TLN2: variants seen among roughly 807,000 people sequenced by gnomAD.
TLN2 encodes talin 2, also known as talin-2.
Under a neutral mutation model 294.7 loss-of-function variants are expected in TLN2, and 118 were observed. The ratio of observed to expected loss-of-function variants is 0.40; its 90% CI spans 0.34 to 0.47. The LOEUF (loss-of-function observed/expected upper bound fraction) is 0.47. TLN2 is among the 20% of genes least tolerant of loss of function. TLN2 has a pLI of 0.84. For synonymous variants in TLN2, 1,431 were observed against 1,304.5 expected, an observed-to-expected ratio of 1.10 and a Z score of -2.09; for missense variants, 3,083 against 3,282.2, an observed-to-expected ratio of 0.94 and a Z score of 1.48.
intron 1 of TLN2, among the ~76,000 whole-genome samples, chr15:62,536,149 A>T (rs1000803063): frequency 1.3e-5 from 2 of 152,184 alleles, no homozygotes; most frequent in African/African-American, 4.8e-5. Flanking sequence ...TGTAGTTTGG[A>T]GACCCTCATA....
chr15:62,788,800 G>A (rs2064878913), intron 45 of TLN2, among the ~76,000 whole-genome samples: 1 of 152,228 alleles, frequency 6.6e-6, no homozygotes, highest in South Asian at 2.1e-4. Context: ...TTTTCCAGCA[G>A]TACACATTCA....
intron 41 of TLN2, among the ~76,000 whole-genome samples, chr15:62,768,767 CA>C (rs2063173792): frequency 6.6e-6 from 1 of 152,184 alleles, no homozygotes; most frequent in South Asian, 2.1e-4. Context: ...CACATGCCTT[CA>C]AAAAGCTTTG....
chr15:62,470,235 G>A (rs1389891867), intron 1 of TLN2, among the ~76,000 whole-genome samples: 5 of 152,154 alleles, frequency 3.3e-5, no homozygotes, highest in Admixed American at 6.5e-5. Context: ...ACCCATTCGG[G>A]AGGATGGCCA....
At chr15:62,760,108 G>C (rs770757978) in intron 37 of TLN2, among the ~76,000 whole-genome samples, 1 of 152,196 alleles carries the variant, frequency 6.6e-6, no homozygotes, top group Non-Finnish European at 1.5e-5. Context: ...CGGCGTGCAA[G>C]GGTTTCCATT....
chr15:62,784,153 C>T, intron 45 of TLN2: 1 of 473,942 alleles, frequency 2.1e-6, no homozygotes, highest in Non-Finnish European at 3.6e-6. Flanking sequence ...AGTGTTCTAT[C>T]AGGTCCCCTG....
At chr15:62,432,722 A>G (rs964394948) in intron 1 of TLN2, among the ~76,000 whole-genome samples, 2 of 152,154 alleles carry the variant, frequency 1.3e-5, no homozygotes, top group Non-Finnish European at 1.5e-5. Context: ...GTTCTTGGCA[A>G]TATACTAGGA....
rs2056036968 is a variant in TLN2, at chr15:62,675,251, A to C, written c.887A>C (p.Glu296Ala). 1.9e-6 allele frequency: 3 copies of C among 1,614,120 alleles called. No homozygotes were observed. The highest frequency in any genetic ancestry group is 2.5e-6 in the Non-Finnish European group (3 of 1,180,042). ...AACTGCGGAGAGATGAGTGAGATAGAAGCCAAGGTCAAGTACGTCAAACTC... is the reference window on the plus strand; with the variant it reads ...AACTGCGGAGAGATGAGTGAGATAGCAGCCAAGGTCAAGTACGTCAAACTC... ...HKNCGEMSEI[E>A]AKVKYVKLAR... Residue 296 changes from glutamate to alanine, a missense_variant, in exon 11 of 59, where the codon GAA (glutamate) becomes GCA (alanine). By Grantham distance (107) the Glu-to-Ala change is moderately radical. Coordinates refer to ENST00000636159, the MANE Select transcript of TLN2 (RefSeq NM_015059.3).
At chr15:62,804,456 G>C (rs1162251573) in intron 50 of TLN2, among the ~76,000 whole-genome samples, 1 of 152,192 alleles carries the variant, frequency 6.6e-6, no homozygotes, top group African/African-American at 2.4e-5. Context: ...AAGTTAGCCA[G>C]GTGTGGTGGC....
chr15:62,722,803 A>G (rs1444449898), intron 26 of TLN2, among the ~76,000 whole-genome samples: 1 of 152,334 alleles, frequency 6.6e-6, no homozygotes, highest in East Asian at 1.9e-4. Context: ...GGAGAATGGT[A>G]GTCATCAGTG....
intron 1 of TLN2, among the ~76,000 whole-genome samples, chr15:62,500,271 G>A (rs2039239303): frequency 6.6e-6 from 1 of 152,174 alleles, no homozygotes; most frequent in Admixed American, 6.5e-5. Context: ...CCAGGAGATG[G>A]AGGTTGCAGT....
intron 1 of TLN2, among the ~76,000 whole-genome samples, chr15:62,417,910 C>T (rs1390935286): frequency 6.6e-6 from 1 of 152,198 alleles, no homozygotes; most frequent in Non-Finnish European, 1.5e-5. Flanking sequence ...TGTGGTTGTC[C>T]GAATGCTTGG....
At chr15:62,610,640 T>A (rs2047840304) in intron 2 of TLN2, among the ~76,000 whole-genome samples, 1 of 152,086 alleles carries the variant, frequency 6.6e-6, no homozygotes, top group Non-Finnish European at 1.5e-5. Context: ...AACGGAGACG[T>A]TTAGGAGACT....
At chr15:62,403,069 C>G (rs1299685840) in intron 1 of TLN2, among the ~76,000 whole-genome samples, 4 of 152,116 alleles carry the variant, frequency 2.6e-5, no homozygotes, top group Non-Finnish European at 5.9e-5. Flanking sequence ...GAAACCCCGT[C>G]TCTACTAAAA....
chr15:62,703,408 T>C (rs2058841974), intron 19 of TLN2, among the ~76,000 whole-genome samples: 1 of 151,982 alleles, frequency 6.6e-6, no homozygotes, highest in South Asian at 2.1e-4. Context: ...CCGTGATTAT[T>C]TTTTTTGTTA....
At chr15:62,739,231 A>T in intron 30 of TLN2, 117 bp from the exon 31 acceptor site, 1 of 1,168,520 alleles carries the variant, frequency 8.6e-7, no homozygotes, top group Non-Finnish European at 1.2e-6. Flanking sequence ...AGAGCCTTTT[A>T]ATCGTGATGA....
intron 23 of TLN2, 147 bp from the exon 24 acceptor site, chr15:62,717,429 G>T: frequency 2.3e-6 from 1 of 435,840 alleles, no homozygotes. Context: ...TAAGATTAGG[G>T]TCATCACTGG....
At chr15:62,521,371 G>A (rs2040448475) in intron 1 of TLN2, among the ~76,000 whole-genome samples, 1 of 152,210 alleles carries the variant, frequency 6.6e-6, no homozygotes, top group African/African-American at 2.4e-5. Flanking sequence ...AATATTTAAA[G>A]AGGTTTATTC....
At chr15:62,484,311 G>C (rs373027002) in intron 1 of TLN2, among the ~76,000 whole-genome samples, 2 of 152,170 alleles carry the variant, frequency 1.3e-5, no homozygotes, top group South Asian at 4.1e-4. Flanking sequence ...ATAGCGTTCT[G>C]GTGGCAAAGT....
chr15:62,749,407 G>T (rs1413957877), intron 33 of TLN2, among the ~76,000 whole-genome samples: 1 of 152,216 alleles, frequency 6.6e-6, no homozygotes, highest in East Asian at 1.9e-4. Flanking sequence ...ATCTAAATGA[G>T]CTCTGTTGGC....
Sources: allele counts gnomAD v4.1 joint callset (sites outside exome capture counted in the v4.1 genomes callset), GRCh38; gene constraint gnomAD v4.1.1; transcripts MANE v1.5; gene names NCBI Gene and HGNC (gene_info 2026-07-23, HGNC 2026-07-21).